HDAC9: variants seen among roughly 807,000 people sequenced by gnomAD.
The protein encoded by HDAC9 is MEF-2 interacting transcription repressor (MITR) protein.
In HDAC9, 41 loss-of-function variants were observed where a neutral mutation model predicts 139.4. The ratio of observed to expected loss-of-function variants is 0.29; its 90% CI spans 0.23 to 0.38. HDAC9 has a LOEUF of 0.38. HDAC9 is among the 10% of genes least tolerant of loss of function. The pLI, the probability that HDAC9 is intolerant of heterozygous loss-of-function variation, is 1.00. For synonymous variants in HDAC9, 517 were observed against 476.2 expected (o/e 1.09, Z -1.12); for missense variants, 1,147 against 1,297.0 (o/e 0.88, Z 1.78).
chr7:18,237,330 T>C (rs918421992), intron 2 of HDAC9, among the ~76,000 whole-genome samples: 1 of 152,212 alleles, frequency 6.6e-6, no homozygotes, highest in Non-Finnish European at 1.5e-5. Context: ...ATTTAATAAA[T>C]TACCAACTGC....
intron 12 of HDAC9, among the ~76,000 whole-genome samples, chr7:18,717,565 G>A (rs1240072891): frequency 6.6e-6 from 1 of 151,714 alleles, no homozygotes; most frequent in East Asian, 1.9e-4. Context: ...CCAAGTAGCC[G>A]GGATTACAGG....
chr7:18,899,958 TACAC>T (rs1019894840), intron 22 of HDAC9, among the ~76,000 whole-genome samples: 6 of 152,054 alleles, frequency 3.9e-5, no homozygotes, highest in African/African-American at 7.2e-5. Context: ...GACTTGATAA[TACAC>T]ACACAGAAAG....
intron 1 of HDAC9, among the ~76,000 whole-genome samples, chr7:18,476,289 A>G (rs1388834638): frequency 2.0e-5 from 3 of 152,186 alleles, no homozygotes; most frequent in Non-Finnish European, 4.4e-5. Context: ...AAAGACTAGT[A>G]GATTCAATCC....
chr7:18,734,336 TATC>T (rs1171627437), intron 13 of HDAC9, among the ~76,000 whole-genome samples: 1 of 152,138 alleles, frequency 6.6e-6, no homozygotes, highest in Non-Finnish European at 1.5e-5. Context: ...CCCATCAACT[TATC>T]ATTTACATTA....
chr7:18,738,930 C>A (rs1312445189), intron 13 of HDAC9, among the ~76,000 whole-genome samples: 1 of 152,176 alleles, frequency 6.6e-6, no homozygotes, highest in African/African-American at 2.4e-5. Flanking sequence ...TTCACATAGT[C>A]CCATATTTCT....
At chr7:18,835,828 G>A (rs1796198183) in intron 20 of HDAC9, 72 bp from the exon 21 acceptor site, 1 of 1,116,714 alleles carries the variant, frequency 9.0e-7, no homozygotes, top group Admixed American at 2.2e-5. Flanking sequence ...CCATGTGCTT[G>A]TTTTCCTCTC....
intron 2 of HDAC9, among the ~76,000 whole-genome samples, chr7:18,214,029 T>C (rs1397417099): frequency 6.6e-6 from 1 of 152,110 alleles, no homozygotes; most frequent in Admixed American, 6.6e-5. Context: ...ATTATAATAG[T>C]AGCTACAGGT....
chr7:18,864,967 C>T (rs1008493197), intron 21 of HDAC9, among the ~76,000 whole-genome samples: 1 of 152,016 alleles, frequency 6.6e-6, no homozygotes, highest in African/African-American at 2.4e-5. Context: ...AAAAAAAATC[C>T]CTTTGACCGT....
chr7:18,684,095 A>G (rs1188818758), intron 12 of HDAC9, among the ~76,000 whole-genome samples: 1 of 151,172 alleles, frequency 6.6e-6, no homozygotes, highest in Non-Finnish European at 1.5e-5. Flanking sequence ...CATCTCTACA[A>G]AAAAATACAA....
chr7:18,628,034 T>C (rs928138708), intron 6 of HDAC9, among the ~76,000 whole-genome samples: 1 of 152,206 alleles, frequency 6.6e-6, no homozygotes, highest in Non-Finnish European at 1.5e-5. Context: ...AGTTCTACCT[T>C]TGATATCCCT....
At chr7:18,549,357 T>C (rs1434701894) in intron 2 of HDAC9, among the ~76,000 whole-genome samples, 2 of 152,248 alleles carry the variant, frequency 1.3e-5, no homozygotes, top group Admixed American at 1.3e-4. Context: ...AGTTGTTCAC[T>C]GCAGCTGTTT....
At position 18,643,346 on chromosome 7, in the gene HDAC9, G is replaced by A. The variant is rs192927723; in HGVS notation, c.913-1325G>A. ...GGGCTGCATATAAAGTCAATGTAAT[G>A]TTATTGCTTTCAACATACCTCTTGG... On this transcript the variant is annotated intron_variant, in intron 8 of 25. Transcript: ENST00000686413. Among the ~76,000 whole-genome samples, 188 of 152,252 alleles carry A rather than the reference G, an allele frequency of 1.2e-3. 5 individuals are homozygous for A. The Middle Eastern group carries it at 0.031, about 25-fold the overall frequency.
chr7:18,369,221 G>A (rs899021828), intron 1 of HDAC9, among the ~76,000 whole-genome samples: 1 of 152,018 alleles, frequency 6.6e-6, no homozygotes, highest in East Asian at 1.9e-4. Flanking sequence ...TGAATTATTT[G>A]AGTCTGTTTT....
rs546626996 is a variant in HDAC9, at chr7:18,378,115, A to C, written c.-42+87600A>C. Among the ~76,000 whole-genome samples, 5 of 152,296 alleles carry C rather than the reference A, an allele frequency of 3.3e-5. No homozygotes were observed. In the South Asian group the frequency reaches 1.0e-3, roughly 32 times the overall value. ...GGCAGCAAAAACAAGAGGCATAACT[A>C]AATTAGGTGCCATTTTCCAGTGACC... On this transcript the variant is annotated intron_variant, in intron 1 of 3. Transcript: ENST00000413509.
intron 1 of HDAC9, among the ~76,000 whole-genome samples, chr7:18,452,160 A>G (rs1002786743): frequency 6.6e-5 from 10 of 152,164 alleles, no homozygotes; most frequent in African/African-American, 2.4e-4. Flanking sequence ...TTCCAAGGTC[A>G]ACAGCAAAGT....
chr7:18,319,126 A>G (rs1799852696), intron 1 of HDAC9, among the ~76,000 whole-genome samples: 1 of 152,178 alleles, frequency 6.6e-6, no homozygotes, highest in Non-Finnish European at 1.5e-5. Flanking sequence ...TGAGCTGATA[A>G]TCTTAAAAAC....
At chr7:18,703,285 G>T (rs1404869021) in intron 12 of HDAC9, among the ~76,000 whole-genome samples, 1 of 151,948 alleles carries the variant, frequency 6.6e-6, no homozygotes, top group Non-Finnish European at 1.5e-5. Flanking sequence ...ATGATATTAT[G>T]GTATTTTGTA....
At chr7:18,344,110 T>C (rs1466154742) in intron 1 of HDAC9, among the ~76,000 whole-genome samples, 1 of 151,868 alleles carries the variant, frequency 6.6e-6, no homozygotes, top group African/African-American at 2.4e-5. Flanking sequence ...ACAGAAAATA[T>C]TCAGTTTCTT....
At chr7:18,413,058 A>C (rs1053671732) in intron 1 of HDAC9, among the ~76,000 whole-genome samples, 35 of 152,220 alleles carry the variant, frequency 2.3e-4, no homozygotes, top group African/African-American at 8.2e-4. Context: ...TTTCTCTGTC[A>C]AGGATGTCTA....
Sources: allele counts gnomAD v4.1 joint callset (sites outside exome capture counted in the v4.1 genomes callset), GRCh38; gene constraint gnomAD v4.1.1; transcripts MANE v1.5; gene names NCBI Gene and HGNC (gene_info 2026-07-23, HGNC 2026-07-21).